The following EPB41L2 variants were observed in gnomAD, a reference collection of about 807,000 sequenced individuals.
The protein encoded by EPB41L2 is erythrocyte membrane protein band 4.1 like 2.
A neutral mutation model predicts 113.0 loss-of-function variants in EPB41L2; 43 were observed. The observed-to-expected ratio is 0.38, with a 90% confidence interval of 0.30 to 0.49. The LOEUF (loss-of-function observed/expected upper bound fraction) is 0.49. Ranked by LOEUF, EPB41L2 falls within the 20% of genes least tolerant of loss-of-function variation. The pLI is 0.95. For missense variants in EPB41L2, 1,147 were observed against 1,223.4 expected, an observed-to-expected ratio of 0.94 and a Z score of 0.93; for synonymous variants, 442 against 436.7, an observed-to-expected ratio of 1.01 and a Z score of -0.15.
chr6:130,858,884 A>C (rs1235724533), intron 18 of EPB41L2, among the ~76,000 whole-genome samples: 3 of 152,250 alleles, frequency 2.0e-5, no homozygotes, highest in African/African-American at 7.2e-5. Context: ...GAGACTGACT[A>C]ATCTTCAGGT....
intron 14 of EPB41L2, among the ~76,000 whole-genome samples, chr6:130,874,262 T>C (rs1253299753): frequency 7.4e-6 from 1 of 135,372 alleles, no homozygotes; most frequent in African/African-American, 3.1e-5. Flanking sequence ...ATGCAATGTA[T>C]TTTTTTTTTT....
intron 1 of EPB41L2, among the ~76,000 whole-genome samples, chr6:130,959,248 T>G (rs1818529100): frequency 6.6e-6 from 1 of 152,160 alleles, no homozygotes; most frequent in Non-Finnish European, 1.5e-5. Context: ...AATTCAATTT[T>G]GAATTCATTG....
At chr6:130,997,131 T>C (rs55909138) in intron 1 of EPB41L2, among the ~76,000 whole-genome samples, 13,045 of 152,238 alleles carry the variant, frequency 0.086, 1,850 homozygotes, top group African/African-American at 0.29. Flanking sequence ...TCAGACACTG[T>C]TACATTAGAG....
At chr6:130,891,428 T>TTTGCTTACTTAC (rs1792810389) in intron 10 of EPB41L2, among the ~76,000 whole-genome samples, 1 of 149,364 alleles carries the variant, frequency 6.7e-6, no homozygotes, top group African/African-American at 2.5e-5. Context: ...TATTTATTTA[T>TTTGCTTACTTAC]TTACTTACTT....
At chr6:130,947,712 T>C (rs1813417692) in intron 3 of EPB41L2, among the ~76,000 whole-genome samples, 1 of 152,044 alleles carries the variant, frequency 6.6e-6, no homozygotes, top group Non-Finnish European at 1.5e-5. Flanking sequence ...CTCAACCCCA[T>C]GATGGCTGTA....
At chr6:131,025,548 T>C (rs1790672067) in intron 1 of EPB41L2, among the ~76,000 whole-genome samples, 1 of 152,170 alleles carries the variant, frequency 6.6e-6, no homozygotes, top group South Asian at 2.1e-4. Flanking sequence ...ACTTGGATGA[T>C]CTACTGTGGC....
At chr6:131,003,216 C>A (rs1784737678) in intron 1 of EPB41L2, among the ~76,000 whole-genome samples, 1 of 152,082 alleles carries the variant, frequency 6.6e-6, no homozygotes, top group Non-Finnish European at 1.5e-5. Context: ...AGAATACGAG[C>A]CTCACTTTGT....
intron 1 of EPB41L2, among the ~76,000 whole-genome samples, chr6:131,045,594 G>A (rs909164330): frequency 6.6e-6 from 1 of 152,104 alleles, no homozygotes; most frequent in African/African-American, 2.4e-5. Context: ...AGAAGGAAAA[G>A]GAGAACAAAG....
At chr6:131,006,638 C>CT (rs10627936) in intron 1 of EPB41L2, among the ~76,000 whole-genome samples, 11 of 150,308 alleles carry the variant, frequency 7.3e-5, no homozygotes, top group Admixed American at 5.3e-4. Flanking sequence ...CCACTGAACC[C>CT]GACTGGGTGA....
chr6:130,904,572 C>CA, intron 5 of EPB41L2, 32 bp from the exon 6 acceptor site: 1 of 1,384,328 alleles, frequency 7.2e-7, no homozygotes, highest in Non-Finnish European at 1.0e-6. Flanking sequence ...GTTATGCACC[C>CA]AATTAACAGA....
chr6:130,951,630 ATTAATT>A (rs1045278560), intron 3 of EPB41L2, among the ~76,000 whole-genome samples: 4 of 151,884 alleles, frequency 2.6e-5, no homozygotes, highest in African/African-American at 7.3e-5. Context: ...GGCCAGCCTC[ATTAATT>A]TTAATGGCAA....
At chr6:130,938,430 C>A (rs1809639330) in intron 3 of EPB41L2, among the ~76,000 whole-genome samples, 1 of 152,056 alleles carries the variant, frequency 6.6e-6, no homozygotes, top group Non-Finnish European at 1.5e-5. Flanking sequence ...GGGAGGGGGA[C>A]CTGGCTGGGT....
At chr6:130,928,301 T>C (rs998363987) in intron 3 of EPB41L2, among the ~76,000 whole-genome samples, 2 of 152,196 alleles carry the variant, frequency 1.3e-5, no homozygotes, top group Admixed American at 6.5e-5. Context: ...ACCAAAGTTC[T>C]AAATACACTT....
chr6:130,976,612 G>A (rs961032062), intron 1 of EPB41L2, among the ~76,000 whole-genome samples: 1 of 152,138 alleles, frequency 6.6e-6, no homozygotes, highest in Non-Finnish European at 1.5e-5. Flanking sequence ...TAAAAGAGTG[G>A]TGGCTGAGAA....
chr6:130,863,831 CA>C, intron 17 of EPB41L2, 113 bp from the exon 18 acceptor site: 1 of 651,588 alleles, frequency 1.5e-6, no homozygotes, highest in Non-Finnish European at 2.7e-6. Flanking sequence ...TGTAAGGCCA[CA>C]CACAACAAGC....
chr6:130,981,951 T>A (rs1047925260), intron 1 of EPB41L2, among the ~76,000 whole-genome samples: 6 of 152,120 alleles, frequency 3.9e-5, no homozygotes, highest in Non-Finnish European at 5.9e-5. Flanking sequence ...GCAGGAAATT[T>A]GAATTTATTA....
chr6:130,911,356 C>T (rs1216442736), intron 4 of EPB41L2, among the ~76,000 whole-genome samples: 1 of 152,014 alleles, frequency 6.6e-6, no homozygotes, highest in East Asian at 1.9e-4. Flanking sequence ...ACATCACACA[C>T]CAGGGCCTGT....
chr6:131,029,694 T>G (rs556832511), intron 1 of EPB41L2, among the ~76,000 whole-genome samples: 1 of 152,292 alleles, frequency 6.6e-6, no homozygotes, highest in Admixed American at 6.5e-5. Flanking sequence ...TACATTTACT[T>G]CGGAAAAACT....
chr6:130,869,820 C>A lies in EPB41L2; in HGVS notation c.2350G>T (p.Ala784Ser), dbSNP rs1785051287. The change falls in exon 15 of 20, where the codon GCA (alanine) becomes TCA (serine). Residue 784 changes from alanine (A) to serine (S), a missense_variant. Ala to Ser is a moderately conservative substitution (Grantham distance 99, BLOSUM62 1). Transcript: ENST00000337057. ...EEEVEEEPRP[A>S]AKVVEREEAV... is the part of the protein sequence containing the mutation. ...TCCTCCCTCTCTACTACCTTGGCTG[C>A]CGGGCGGGGTTCTTCCTCCACCTCT... 1 of 1,613,844 alleles carries A rather than the reference C, an allele frequency of 6.2e-7. No individual in the cohort carries two copies. Among genetic ancestry groups the A allele is most frequent in the Non-Finnish European group, 8.5e-7 (1 of 1,180,026 alleles).
Sources: gnomAD v4.1 joint callset for allele counts (sites outside exome capture counted in the v4.1 genomes callset) on GRCh38, gnomAD v4.1.1 for gene constraint, MANE v1.5 for transcripts, NCBI Gene and HGNC (gene_info 2026-07-23, HGNC 2026-07-21) for gene names.